The following ZFPM2 variants were observed in gnomAD, a reference collection of about 807,000 sequenced individuals.
ZFPM2 encodes zinc finger protein ZFPM2.
ZFPM2 carries 20 observed loss-of-function variants against 98.6 expected under a neutral mutation model. That is an observed-to-expected ratio of 0.20 (90% CI 0.14 to 0.29). The LOEUF is 0.29. ZFPM2 is among the 10% of genes least tolerant of loss of function. The pLI is 1.00. For missense variants in ZFPM2, 1,310 were observed against 1,388.6 expected (o/e 0.94, Z 0.90); for synonymous variants, 518 against 502.7 (o/e 1.03, Z -0.41).
intron 3 of ZFPM2, among the ~76,000 whole-genome samples, chr8:105,535,060 A>G (rs1411602110): frequency 6.6e-6 from 1 of 152,188 alleles, no homozygotes; most frequent in Non-Finnish European, 1.5e-5. Flanking sequence ...TGTTCAAATA[A>G]GGTCCTGAAT....
rs73700124 is a variant in ZFPM2, at chr8:105,687,192, G to A, written c.532+52835G>A. 3.1e-3 allele frequency among the ~76,000 whole-genome samples: 471 copies of A among 152,262 alleles called. 6 individuals carry two copies. Among genetic ancestry groups the A allele is most frequent in the African/African-American group, 0.011 (458 of 41,552 alleles). ...TCAGACTCCATCAGCCTAGGTTCTTGAATGGCTTTATGGAGGAAGGTCACA... is the reference window on the plus strand; with the variant it reads ...TCAGACTCCATCAGCCTAGGTTCTTAAATGGCTTTATGGAGGAAGGTCACA... On this transcript the variant is annotated intron_variant, in intron 5 of 7. Transcript: ENST00000407775.
At chr8:105,332,712 C>T (rs949867953) in intron 1 of ZFPM2, among the ~76,000 whole-genome samples, 1 of 151,476 alleles carries the variant, frequency 6.6e-6, no homozygotes, top group Non-Finnish European at 1.5e-5. Flanking sequence ...TTCATAAGCG[C>T]GTCAGGTTAA....
At chr8:105,411,145 A>G (rs541835747) in intron 1 of ZFPM2, among the ~76,000 whole-genome samples, 2 of 152,010 alleles carry the variant, frequency 1.3e-5, no homozygotes, top group East Asian at 3.9e-4. Flanking sequence ...ATTATAATTA[A>G]CTTCAATTGA....
intron 4 of ZFPM2, among the ~76,000 whole-genome samples, chr8:105,588,745 C>T (rs932222326): frequency 6.6e-6 from 1 of 152,190 alleles, no homozygotes; most frequent in African/African-American, 2.4e-5. Context: ...CATGTGAATG[C>T]TCTTTTGTCA....
intron 4 of ZFPM2, among the ~76,000 whole-genome samples, chr8:105,605,393 G>A (rs1267416877): frequency 1.3e-5 from 2 of 151,936 alleles, no homozygotes; most frequent in Admixed American, 6.6e-5. Context: ...TAATTAATAT[G>A]ACTTATATCT....
At chr8:105,672,019 T>C (rs2130905905) in intron 5 of ZFPM2, among the ~76,000 whole-genome samples, 1 of 152,320 alleles carries the variant, frequency 6.6e-6, no homozygotes, top group East Asian at 1.9e-4. Context: ...TTTTTACTTT[T>C]CAGTAGAATG....
rs1313930767 is a variant in ZFPM2 at position 105,458,182 on chromosome 8, T to G, written c.301+13801T>G. 2.0e-5 allele frequency among the ~76,000 whole-genome samples: 3 copies of G among 152,190 alleles called. No individual in the cohort carries two copies. In the East Asian group the frequency reaches 5.8e-4, roughly 29 times the overall value. ...GACAAAATTCCCATAGGCCGTATAT[T>G]AGGTGTAGTTAAAAGAAGATTGCAA... On this transcript the variant is annotated intron_variant, in intron 3 of 7. Transcript: ENST00000407775.
At chr8:105,767,061 T>C (rs1812869061) in intron 5 of ZFPM2, among the ~76,000 whole-genome samples, 2 of 151,890 alleles carry the variant, frequency 1.3e-5, no homozygotes, top group South Asian at 4.1e-4. Flanking sequence ...TCTACAGGAA[T>C]TTGAATGCCA....
intron 3 of ZFPM2, among the ~76,000 whole-genome samples, chr8:105,517,125 AT>A (rs1813940803): frequency 1.3e-5 from 2 of 152,236 alleles, no homozygotes; most frequent in South Asian, 4.1e-4. Flanking sequence ...AATAAAGAAT[AT>A]GGAATAGAGG....
rs114449270 is a variant in ZFPM2, at chr8:105,401,879, C to A, written c.41-17265C>A. Among the ~76,000 whole-genome samples, 917 of 152,132 alleles carry A rather than the reference C, an allele frequency of 6.0e-3. 7 individuals are homozygous for A. Among genetic ancestry groups the A allele is most frequent in the African/African-American group, 0.021 (880 of 41,530 alleles). On this transcript the variant is annotated intron_variant, in intron 1 of 7. Transcript: ENST00000407775. ...AGCTTTGGAATTCCTGTTGTTTCGT[C>A]AGTGTTTGTAAGTAGTTTATGGAAT...
chr8:105,434,951 GA>G (rs1812091696), intron 2 of ZFPM2, among the ~76,000 whole-genome samples: 1 of 152,192 alleles, frequency 6.6e-6, no homozygotes, highest in Non-Finnish European at 1.5e-5. Flanking sequence ...AACTTTCAGT[GA>G]AAAGGTGTTT....
At chr8:105,778,164 T>G (rs1041043783) in intron 5 of ZFPM2, among the ~76,000 whole-genome samples, 30 of 152,194 alleles carry the variant, frequency 2.0e-4, no homozygotes, top group African/African-American at 7.0e-4. Flanking sequence ...AGTATTGGAT[T>G]TGAATTCATT....
intron 5 of ZFPM2, among the ~76,000 whole-genome samples, chr8:105,710,491 C>T (rs566549864): frequency 2.0e-5 from 3 of 151,946 alleles, no homozygotes; most frequent in South Asian, 2.1e-4. Flanking sequence ...TATGTGCATA[C>T]GACATGAGAA....
At chr8:105,368,547 A>C (rs1216028200) in intron 1 of ZFPM2, among the ~76,000 whole-genome samples, 16 of 152,170 alleles carry the variant, frequency 1.1e-4, no homozygotes, top group Admixed American at 2.6e-4. Context: ...CAAATGAGAG[A>C]AACAAAGGTT....
chr8:105,724,827 T>A (rs543776863), intron 5 of ZFPM2, among the ~76,000 whole-genome samples: 2 of 151,884 alleles, frequency 1.3e-5, no homozygotes, highest in South Asian at 4.1e-4. Context: ...TTTTATGCAT[T>A]CATGGCACAC....
chr8:105,360,016 G>A (rs548149149), intron 1 of ZFPM2, among the ~76,000 whole-genome samples: 36 of 152,192 alleles, frequency 2.4e-4, no homozygotes, highest in Non-Finnish European at 4.7e-4. Flanking sequence ...GAAAGCAACT[G>A]AAGAGCAACC....
At chr8:105,792,559 C>G (rs1009457100) in intron 6 of ZFPM2, among the ~76,000 whole-genome samples, 4 of 152,148 alleles carry the variant, frequency 2.6e-5, no homozygotes, top group African/African-American at 4.8e-5. Context: ...AATGTATATT[C>G]TGTTGATTTG....
chr8:105,334,892 C>T (rs1465140497), intron 1 of ZFPM2, among the ~76,000 whole-genome samples: 2 of 151,430 alleles, frequency 1.3e-5, no homozygotes, highest in Non-Finnish European at 3.0e-5. Context: ...CAAGTGTTCT[C>T]GTGGGCAGTA....
chr8:105,738,287 C>T (rs767650929), intron 5 of ZFPM2, among the ~76,000 whole-genome samples: 1 of 151,932 alleles, frequency 6.6e-6, no homozygotes, highest in Non-Finnish European at 1.5e-5. Flanking sequence ...TTTTCTGTTC[C>T]TGTGTTAGTT....
Sources: allele counts gnomAD v4.1 joint callset (sites outside exome capture counted in the v4.1 genomes callset), GRCh38; gene constraint gnomAD v4.1.1; transcripts MANE v1.5; gene names NCBI Gene and HGNC (gene_info 2026-07-23, HGNC 2026-07-21).